NCKAP5: variants seen among roughly 807,000 people sequenced by gnomAD.
The protein encoded by NCKAP5 is NCK associated protein 5.
A neutral mutation model predicts 167.0 loss-of-function variants in NCKAP5; 92 were observed. That is an observed-to-expected ratio of 0.55 (90% CI 0.47 to 0.66). The LOEUF is 0.66. NCKAP5 is among the 30% of genes least tolerant of loss of function. NCKAP5 has a pLI of 0.00. For synonymous variants in NCKAP5, 891 were observed against 877.4 expected, an observed-to-expected ratio of 1.02 and a Z score of -0.27; for missense variants, 2,378 against 2,315.0, an observed-to-expected ratio of 1.03 and a Z score of -0.56.
intron 4 of NCKAP5, among the ~76,000 whole-genome samples, chr2:133,255,228 T>C (rs1407088189): frequency 1.3e-5 from 2 of 152,198 alleles, no homozygotes; most frequent in African/African-American, 4.8e-5. Context: ...CACGGAAGTA[T>C]TCAGTTCCCA....
rs562560615 is a variant in NCKAP5, at chr2:133,006,894, T to G, written c.342-12655A>C. On this transcript the variant is annotated intron_variant, in intron 6 of 19. Coordinates refer to ENST00000409261, the MANE Select transcript of NCKAP5 (RefSeq NM_207363.3). ...CACAGTACTGGCCCATCTAGCCGTA[T>G]GGATGCCAACAGCACATTCTTCACT... Among the ~76,000 whole-genome samples, 8 of 152,356 alleles carry G rather than the reference T, an allele frequency of 5.3e-5. No individual in the cohort carries two copies. In the South Asian group the frequency reaches 1.7e-3, roughly 32 times the overall value.
chr2:133,048,815 T>C (rs72996891), intron 6 of NCKAP5, among the ~76,000 whole-genome samples: 9,235 of 152,288 alleles, frequency 0.061, 922 homozygotes, highest in African/African-American at 0.21. Context: ...TACATTGTTT[T>C]GGCTTGTCCC....
intron 4 of NCKAP5, among the ~76,000 whole-genome samples, chr2:133,224,661 GA>G (rs1383312548): frequency 6.6e-6 from 1 of 152,188 alleles, no homozygotes; most frequent in African/African-American, 2.4e-5. Context: ...AAAGTTGGAA[GA>G]GCCTGAATTT....
chr2:133,443,435 C>G (rs986526019), intron 3 of NCKAP5, among the ~76,000 whole-genome samples: 61 of 152,164 alleles, frequency 4.0e-4, no homozygotes, highest in Admixed American at 2.9e-3. Context: ...CTGGTCATGG[C>G]AATGCACTGA....
At chr2:133,462,188 A>T (rs1692240260) in intron 3 of NCKAP5, among the ~76,000 whole-genome samples, 1 of 152,232 alleles carries the variant, frequency 6.6e-6, no homozygotes, top group Non-Finnish European at 1.5e-5. Flanking sequence ...TCTTCCAGGC[A>T]GTACAGTCAA....
intron 11 of NCKAP5, among the ~76,000 whole-genome samples, chr2:132,815,690 A>C (rs1042577367): frequency 7.9e-5 from 12 of 152,206 alleles, no homozygotes; most frequent in Admixed American, 2.0e-4. Context: ...TTACTTATTC[A>C]AAAAGCCAAT....
intron 3 of NCKAP5, among the ~76,000 whole-genome samples, chr2:133,432,342 C>G (rs972171491): frequency 1.3e-5 from 2 of 152,162 alleles, no homozygotes; most frequent in Non-Finnish European, 2.9e-5. Flanking sequence ...TGCTGATACC[C>G]TAAACATTTA....
chr2:132,731,286 T>C (rs925151188), intron 17 of NCKAP5, among the ~76,000 whole-genome samples: 1 of 152,236 alleles, frequency 6.6e-6, no homozygotes, highest in Middle Eastern at 3.2e-3. Flanking sequence ...TACTGCTGAT[T>C]TATCAAACTA....
intron 6 of NCKAP5, among the ~76,000 whole-genome samples, chr2:133,048,989 A>C (rs889426402): frequency 2.4e-4 from 36 of 152,308 alleles, no homozygotes; most frequent in Middle Eastern, 3.4e-3. Context: ...GAATTCTCCC[A>C]TAAACACACT....
the NCKAP5 span, among the ~76,000 whole-genome samples, chr2:133,614,469 T>G: frequency 6.6e-6 from 1 of 151,884 alleles, no homozygotes; most frequent in Non-Finnish European, 1.5e-5. Context: ...CTGATGGAGC[T>G]GAAAACCAAG....
At chr2:132,849,867 C>T (rs750937413) in intron 11 of NCKAP5, among the ~76,000 whole-genome samples, 10 of 152,152 alleles carry the variant, frequency 6.6e-5, no homozygotes, top group Non-Finnish European at 1.0e-4. Context: ...ATTTCTCATG[C>T]CAAGCTCTTT....
intron 5 of NCKAP5, among the ~76,000 whole-genome samples, chr2:133,155,333 G>T (rs2083533651): frequency 1.3e-5 from 2 of 152,192 alleles, no homozygotes; most frequent in South Asian, 4.1e-4. Flanking sequence ...AACAGAGATT[G>T]CTGGGCCCCA....
the NCKAP5 span, among the ~76,000 whole-genome samples, chr2:133,605,952 C>T: frequency 6.6e-6 from 1 of 152,146 alleles, no homozygotes; most frequent in Non-Finnish European, 1.5e-5. Context: ...AATGCCAAAG[C>T]ATATACTCAC....
intron 4 of NCKAP5, among the ~76,000 whole-genome samples, chr2:133,237,826 C>T (rs992106392): frequency 6.6e-6 from 1 of 152,210 alleles, no homozygotes; most frequent in Non-Finnish European, 1.5e-5. Context: ...AGCTACAATT[C>T]TCTGGAGGTA....
chr2:133,007,030 G>A (rs978470668), intron 6 of NCKAP5, among the ~76,000 whole-genome samples: 3 of 152,108 alleles, frequency 2.0e-5, no homozygotes, highest in Non-Finnish European at 4.4e-5. Flanking sequence ...CAGAAAAGTC[G>A]CTCTACCAAA....
intron 6 of NCKAP5, chr2:133,122,349 A>T (rs932010882): frequency 6.6e-6 from 1 of 152,224 alleles, no homozygotes; most frequent in African/African-American, 2.4e-5. Context: ...AGGAACAGTA[A>T]TGTATCAGAA....
chr2:132,955,632 CTT>C (rs2076318932), intron 8 of NCKAP5, among the ~76,000 whole-genome samples: 1 of 152,024 alleles, frequency 6.6e-6, no homozygotes, highest in Non-Finnish European at 1.5e-5. Context: ...GTGCATGTGT[CTT>C]TATAGTAGCA....
At chr2:133,570,126 A>G (rs1445705752), upstream of NCKAP5, among the ~76,000 whole-genome samples, 5 of 152,240 alleles carry the variant, frequency 3.3e-5, no homozygotes. Context: ...TGAGTGGATA[A>G]AGCAAGGTGC....
chr2:133,073,365 A>C (rs1412189277), intron 6 of NCKAP5, among the ~76,000 whole-genome samples: 1 of 152,214 alleles, frequency 6.6e-6, no homozygotes. Flanking sequence ...CTATATATCA[A>C]GTCCTTGGCT....
Sources: gnomAD v4.1 joint callset for allele counts (sites outside exome capture counted in the v4.1 genomes callset) on GRCh38, gnomAD v4.1.1 for gene constraint, MANE v1.5 for transcripts, NCBI Gene and HGNC (gene_info 2026-07-23, HGNC 2026-07-21) for gene names.